CTNND2: variants seen among roughly 807,000 people sequenced by gnomAD.
CTNND2 encodes catenin delta-2.
CTNND2 carries 22 observed loss-of-function variants against 144.4 expected under a neutral mutation model. That is an observed-to-expected ratio of 0.15 (90% confidence interval 0.11 to 0.22). The LOEUF is 0.22. CTNND2 is among the 10% of genes least tolerant of loss of function. CTNND2 has a pLI of 1.00. For synonymous variants in CTNND2, 751 were observed against 695.6 expected (o/e 1.08, Z -1.25); for missense variants, 1,353 against 1,618.8 (o/e 0.84, Z 2.82).
chr5:11,481,251 AT>A (rs1331648381), intron 3 of CTNND2, among the ~76,000 whole-genome samples: 1 of 152,122 alleles, frequency 6.6e-6, no homozygotes, highest in African/African-American at 2.4e-5. Context: ...GTTTTCCTGA[AT>A]TTTGATTTTT....
At chr5:11,153,268 A>AT (rs1404011198) in intron 12 of CTNND2, among the ~76,000 whole-genome samples, 1 of 152,152 alleles carries the variant, frequency 6.6e-6, no homozygotes, top group Non-Finnish European at 1.5e-5. Context: ...TCTCAAAAGA[A>AT]TAAAAAAAAA....
rs1187595022 is a variant in CTNND2, at chr5:11,346,416, G to C, written c.1584C>G (p.Thr528=). The C allele has an allele frequency of 6.5e-7, 1 of 1,528,284 alleles. No homozygotes were observed. Among genetic ancestry groups the C allele is most frequent in the Non-Finnish European group, 8.8e-7 (1 of 1,133,976 alleles). The allele number at this position is 1,528,284 out of a possible 1,614,324, so 94.7% of individuals were successfully genotyped here. A position where few individuals can be genotyped will look rare whatever the true frequency, so the allele number is the denominator to read the frequency against. ...KSGPALPPEG[T]LARSPSIDSI... ...TATCAATGGACGGGGACCTGGCCAA[G>C]GTGCCTTCAGGCGGGAGAGCAGGGC... Residue 528 remains threonine (T), a synonymous_variant, in exon 9 of 22, where the codon ACC becomes ACG. Transcript: ENST00000304623.
Position 11,384,708 on chromosome 5 carries a change from C to T in CTNND2, c.1134G>A (p.Glu378=). Residue 378 remains glutamate, a synonymous_variant, in exon 7 of 22, where the codon GAG becomes GAA. Coordinates refer to ENST00000304623, the MANE Select transcript of CTNND2 (RefSeq NM_001332.4). This position sits in a 1 kb window ranked among gnomAD's most constrained non-coding sequence, Gnocchi z 5.2. ...TCTGGAGGGTGGCCGTGGCATACAG[C>T]TCCTGCGAGTGCTTGCTGTACTGCT... ...ASEQYSKHSQ[E]LYATATLQRP... 6.2e-7 allele frequency: 1 copy of T among 1,610,408 alleles called. No individual in the cohort carries two copies. Among genetic ancestry groups the T allele is most frequent in the Non-Finnish European group, 8.5e-7 (1 of 1,179,294 alleles).
At chr5:11,526,873 G>T (rs1773294956) in intron 3 of CTNND2, among the ~76,000 whole-genome samples, 1 of 149,116 alleles carries the variant, frequency 6.7e-6, no homozygotes, top group Admixed American at 6.8e-5. Flanking sequence ...AAGAAAATAT[G>T]GTCTGTCCAT....
At position 11,586,168 on chromosome 5, in the gene CTNND2, T is replaced by C. The variant is rs571797823; in HGVS notation, c.175-21112A>G. The stretch of plus-strand genomic sequence containing the variant: ...AAAGGTTATTTTGTGTGTCACTTAA[T>C]ATTTATTCATCTCAGCTACATGGGG... On this transcript the variant is annotated intron_variant, in intron 2 of 21. Coordinates refer to ENST00000304623, the MANE Select transcript of CTNND2 (RefSeq NM_001332.4). Among the ~76,000 whole-genome samples, 33 of 152,354 alleles carry C rather than the reference T, an allele frequency of 2.2e-4. No homozygotes were observed. The South Asian group carries it at 5.0e-3, about 23-fold the overall frequency.
chr5:11,111,848 A>ATT (rs1167662692), intron 13 of CTNND2, among the ~76,000 whole-genome samples: 10 of 140,608 alleles, frequency 7.1e-5, no homozygotes, highest in South Asian at 2.3e-4. Flanking sequence ...GAAGGTCTAC[A>ATT]TTTTTTTTTT....
intron 10 of CTNND2, among the ~76,000 whole-genome samples, chr5:11,213,829 ATATAG>A (rs1427756234): frequency 6.6e-6 from 1 of 152,164 alleles, no homozygotes; most frequent in Admixed American, 6.5e-5. Context: ...ATATATATAT[ATATAG>A]TATAATGTCA....
chr5:11,215,376 C>T (rs1409760643), intron 10 of CTNND2, among the ~76,000 whole-genome samples: 5 of 152,224 alleles, frequency 3.3e-5, no homozygotes, highest in African/African-American at 1.2e-4. Flanking sequence ...AAGTACACGA[C>T]AGCACTATGT....
At chr5:11,496,765 T>G (rs1278145353) in intron 3 of CTNND2, among the ~76,000 whole-genome samples, 1 of 152,206 alleles carries the variant, frequency 6.6e-6, no homozygotes, top group East Asian at 1.9e-4. Context: ...CCAAATTCAT[T>G]TTCCCATAGA....
intron 1 of CTNND2, among the ~76,000 whole-genome samples, chr5:11,771,543 A>C (rs1789938372): frequency 6.6e-6 from 1 of 152,152 alleles, no homozygotes; most frequent in African/African-American, 2.4e-5. Context: ...TAAATGAGAG[A>C]TATATTTTTT....
chr5:11,129,065 T>A (rs376176891), intron 12 of CTNND2, among the ~76,000 whole-genome samples: 3,198 of 15,200 alleles, frequency 0.21, 576 homozygotes, highest in Middle Eastern at 0.25. Flanking sequence ...AAATATATAT[T>A]TTATATATAA....
At chr5:11,451,055 CAA>C (rs1561413513) in intron 3 of CTNND2, among the ~76,000 whole-genome samples, 1 of 151,434 alleles carries the variant, frequency 6.6e-6, no homozygotes, top group African/African-American at 2.4e-5. Flanking sequence ...TCATAACATG[CAA>C]ATGTAGAAAT....
chr5:11,631,460 G>A (rs148974650), intron 2 of CTNND2, among the ~76,000 whole-genome samples: 1 of 152,178 alleles, frequency 6.6e-6, no homozygotes. Flanking sequence ...ATCTTGGAGG[G>A]AAGAGAGTCT....
intron 3 of CTNND2, among the ~76,000 whole-genome samples, chr5:11,522,996 T>TA (rs1772888842): frequency 6.6e-6 from 1 of 152,214 alleles, no homozygotes; most frequent in Non-Finnish European, 1.5e-5. Context: ...GATATCAAGT[T>TA]ACAGTGGAGC....
intron 13 of CTNND2, 116 bp downstream of exon 13, chr5:11,117,334 G>A (rs2149694419): frequency 1.3e-6 from 1 of 764,490 alleles, no homozygotes; most frequent in South Asian, 1.6e-5. Context: ...AACCAGGAGA[G>A]AGTTCAGAAG....
chr5:11,601,129 A>C (rs1469940282), intron 2 of CTNND2, among the ~76,000 whole-genome samples: 5 of 152,220 alleles, frequency 3.3e-5, no homozygotes, highest in Non-Finnish European at 2.9e-5. Flanking sequence ...GACTATGCGA[A>C]TAACGTGTTT....
intron 11 of CTNND2, among the ~76,000 whole-genome samples, chr5:11,178,008 T>C (rs1214747672): frequency 6.6e-6 from 1 of 152,186 alleles, no homozygotes; most frequent in Non-Finnish European, 1.5e-5. Context: ...GGCAGTGGTG[T>C]TGGCGAAGGC....
At chr5:11,765,320 A>T (rs1460173803) in intron 1 of CTNND2, among the ~76,000 whole-genome samples, 1 of 152,184 alleles carries the variant, frequency 6.6e-6, no homozygotes, top group Non-Finnish European at 1.5e-5. Context: ...CTCAGGGGGA[A>T]GGTGGAGAAG....
intron 9 of CTNND2, among the ~76,000 whole-genome samples, chr5:11,286,093 G>A (rs1747725660): frequency 6.6e-6 from 1 of 151,542 alleles, no homozygotes. Flanking sequence ...CACACAAGAA[G>A]TTGAAGACAT....
Sources: gnomAD v4.1 joint callset for allele counts (sites outside exome capture counted in the v4.1 genomes callset) on GRCh38, gnomAD v4.1.1 for gene constraint, Gnocchi (gnomAD v3.1) non-coding constraint, MANE v1.5 for transcripts, NCBI Gene and HGNC (gene_info 2026-07-23, HGNC 2026-07-21) for gene names.